The following MCM3AP variants were observed in gnomAD, a reference collection of about 807,000 sequenced individuals.
MCM3AP encodes the protein germinal-center associated nuclear protein.
Under a neutral mutation model 184.1 loss-of-function variants are expected in MCM3AP, and 126 were observed. The ratio of observed to expected loss-of-function variants is 0.68; its 90% confidence interval spans 0.59 to 0.79. The LOEUF (loss-of-function observed/expected upper bound fraction) is 0.79. Ranked by LOEUF, MCM3AP falls within the 30% of genes least tolerant of loss-of-function variation. The pLI, the probability that MCM3AP is intolerant of heterozygous loss-of-function variation, is 0.00. For synonymous variants in MCM3AP, 1,002 were observed against 979.3 expected (o/e 1.02, Z -0.43); for missense variants, 2,496 against 2,479.2 (o/e 1.01, Z -0.14).
intron 8 of MCM3AP, 143 bp from the exon 9 acceptor site, chr21:46,270,706 AG>A (rs2081168143): frequency 4.5e-6 from 3 of 670,420 alleles, no homozygotes; most frequent in Non-Finnish European, 7.5e-6. Flanking sequence ...GGGGAGGCCA[AG>A]GTGGGAGGAT....
At chr21:46,259,248 G>A (rs1296129769) in intron 15 of MCM3AP, 157 bp from the exon 16 acceptor site, 1 of 609,548 alleles carries the variant, frequency 1.6e-6, no homozygotes, top group Non-Finnish European at 2.8e-6. Context: ...GAGGTCAAGA[G>A]ATCCAGACCA....
chr21:46,277,970 G>A (rs189716628), intron 4 of MCM3AP, among the ~76,000 whole-genome samples: 41 of 152,168 alleles, frequency 2.7e-4, no homozygotes, highest in African/African-American at 9.4e-4. Context: ...GGGCAACATA[G>A]GGAGACCCCA....
At chr21:46,273,614 C>T (rs1208650387) in intron 6 of MCM3AP, 29 bp from the exon 7 acceptor site, 3 of 1,600,722 alleles carry the variant, frequency 1.9e-6, no homozygotes, top group African/African-American at 2.7e-5. Flanking sequence ...GACAGGATGC[C>T]CATGTGGCAT....
In MCM3AP at chr21:46,272,801, G is replaced by GGAC. The variant is rs2081198682; in HGVS notation, c.2224_2225insGTC (p.Asp741_Pro742insArg). Reference sequence around the variant, plus strand: ...CTTCTCAATCAGGGACACCGTCAGGGGGTCACAGAGGTGCTGCTGCGTGAT... The same window carrying GGAC: ...CTTCTCAATCAGGGACACCGTCAGGGGACGGTCACAGAGGTGCTGCTGCGTGAT... On this transcript the variant is annotated inframe_insertion, in exon 8 of 28. Transcript: ENST00000291688. The GGAC allele has an allele frequency of 6.2e-7, 1 of 1,604,488 alleles. No individual in the cohort carries two copies. The highest frequency in any genetic ancestry group is 1.3e-5 in the African/African-American group (1 of 74,706).
chr21:46,276,740 A>ATT lies in MCM3AP; in HGVS notation c.1858+785_1858+786dup, dbSNP rs34562786. On this transcript the variant is annotated intron_variant, in intron 5 of 27. Transcript: ENST00000291688. The stretch of plus-strand genomic sequence containing the variant: ...ACAGGCGTGAGCCACCACGCCCAGC[A>ATT]TTTTTTTTTTTTTTTGAGACAGAAT... 4.2e-3 allele frequency among the ~76,000 whole-genome samples: 547 copies of ATT among 131,368 alleles called. 6 individuals carry two copies. The highest frequency in any genetic ancestry group is 4.7e-3 in the East Asian group (20 of 4,218). The allele number at this position is 131,368 out of a possible 152,430, so 86.2% of individuals were successfully genotyped here.
intron 20 of MCM3AP, among the ~76,000 whole-genome samples, chr21:46,247,837 T>C (rs2080801374): frequency 6.6e-6 from 1 of 151,890 alleles, no homozygotes; most frequent in East Asian, 1.9e-4. Context: ...CAGTGGCTCA[T>C]GACTGTAATC....
rs1453798964 is a variant in MCM3AP, at chr21:46,284,652, G to A, written c.635C>T (p.Pro212Leu). The stretch of plus-strand genomic sequence containing the variant: ...AGATAATGAATTATTACTACTAACA[G>A]GTTTTGAAAAGGTAAAATTTGAAGT... ...ATTSNFTFSK[P>L]VSSNNSLSAF... Residue 212 changes from proline (P) to leucine (L), a missense_variant, in exon 1 of 28, where the codon CCT (proline) becomes CTT (leucine). By Grantham distance (98) the Pro-to-Leu change is moderately conservative (BLOSUM62 -3). Around this residue, in one of 5 missense-constraint regions of MCM3AP, gnomAD observed 800 missense variants for 717.1 expected, o/e 1.12. Coordinates refer to ENST00000291688, the MANE Select transcript of MCM3AP (RefSeq NM_003906.5). 1 of 1,614,004 alleles carries A rather than the reference G, an allele frequency of 6.2e-7. No individual in the cohort carries two copies. Among genetic ancestry groups the A allele is most frequent in the Admixed American group, 1.7e-5 (1 of 59,984 alleles).
At chr21:46,242,000 T>C (rs960597823) in intron 25 of MCM3AP, 2 of 152,194 alleles carry the variant, frequency 1.3e-5, no homozygotes, top group Non-Finnish European at 2.9e-5. Flanking sequence ...AGGTTTATTG[T>C]TGTGAATGAG....
intron 7 of MCM3AP, among the ~76,000 whole-genome samples, 166 bp from the exon 8 acceptor site, chr21:46,272,995 T>G (rs1214839360): frequency 1.3e-5 from 2 of 150,260 alleles, no homozygotes; most frequent in Non-Finnish European, 3.0e-5. Flanking sequence ...GTCCTGGGGT[T>G]TGTTTTTTTT....
chr21:46,266,451 G>A (rs2081113607), intron 10 of MCM3AP: 1 of 314,514 alleles, frequency 3.2e-6, no homozygotes, highest in Non-Finnish European at 5.8e-6. Flanking sequence ...GGAAGGAGGA[G>A]ACAGAACTAG....
At chr21:46,272,888 AG>A (rs1286283274) in intron 7 of MCM3AP, 59 bp from the exon 8 acceptor site, 12 of 1,474,204 alleles carry the variant, frequency 8.1e-6, no homozygotes, top group Admixed American at 4.5e-5. Flanking sequence ...GGCAACCGTG[AG>A]AAGGATCATG....
rs1183752054 is a variant in MCM3AP, at chr21:46,243,555, C to T, written c.5206G>A (p.Val1736Ile). 1.2e-6 allele frequency: 2 copies of T among 1,614,220 alleles called. No individual in the cohort carries two copies. The highest frequency in any genetic ancestry group is 2.2e-5 in the East Asian group (1 of 44,878). ...AGATCATCCCATGGGATCTCCATGA[C>T]CGAGGGGCCTGCCCCATGGACTGGG... The part of the protein sequence containing the change: ...PSPVHGAGPS[V>I]MEIPWDDLIA... The change falls in exon 24 of 28, where the codon GTC becomes ATC. Residue 1736 changes from valine to isoleucine, a missense_variant. Coordinates refer to ENST00000291688, the MANE Select transcript of MCM3AP (RefSeq NM_003906.5).
At chr21:46,244,514 G>GT (rs758296758) in intron 23 of MCM3AP, 15 of 445,318 alleles carry the variant, frequency 3.4e-5, no homozygotes, top group Non-Finnish European at 5.7e-5. Flanking sequence ...CAGGGTTGGT[G>GT]TTCCTCCCAG....
At chr21:46,274,692 T>G (rs756287479) in intron 6 of MCM3AP, among the ~76,000 whole-genome samples, 1 of 151,948 alleles carries the variant, frequency 6.6e-6, no homozygotes, top group Non-Finnish European at 1.5e-5. Flanking sequence ...TCCCAGCACT[T>G]TGGGAGGCGG....
intron 26 of MCM3AP, among the ~76,000 whole-genome samples, chr21:46,239,658 C>T (rs573992764): frequency 6.6e-6 from 1 of 152,298 alleles, no homozygotes; most frequent in East Asian, 1.9e-4. Context: ...GAAGCAGTAG[C>T]ATGTTCAAGT....
intron 5 of MCM3AP, among the ~76,000 whole-genome samples, chr21:46,276,790 T>C (rs2081262255): frequency 6.8e-6 from 1 of 148,002 alleles, no homozygotes; most frequent in South Asian, 2.1e-4. Flanking sequence ...CAGGCTGGAG[T>C]GCAGTGGCAC....
rs1194083128 is a variant in MCM3AP, at chr21:46,261,344, C to G, written c.3403G>C (p.Ala1135Pro). Residue 1135 changes from alanine (A) to proline (P), a missense_variant, in exon 14 of 28, where the codon GCT becomes CCT. Around this residue, in one of 5 missense-constraint regions of MCM3AP, gnomAD observed 1,323 missense variants for 1,273.4 expected, o/e 1.04. Coordinates refer to ENST00000291688, the MANE Select transcript of MCM3AP (RefSeq NM_003906.5). ...TCTCTTTCCTTAGACACTTCTTCAG[C>G]TGCAATGTGCCTCAAAATGCCCGTG... ...ATTGILRHIA[A>P]EEVSKERERR... 6.2e-7 allele frequency: 1 copy of G among 1,614,168 alleles called. No individual in the cohort carries two copies. Among genetic ancestry groups the G allele is most frequent in the Non-Finnish European group, 8.5e-7 (1 of 1,180,000 alleles).
intron 5 of MCM3AP, among the ~76,000 whole-genome samples, chr21:46,276,599 G>A (rs1382525145): frequency 1.3e-5 from 2 of 150,382 alleles, no homozygotes; most frequent in Admixed American, 1.3e-4. Flanking sequence ...GTGCCACCAC[G>A]CCCGGCTAAT....
chr21:46,261,855 T>G (rs1290951280), intron 13 of MCM3AP, among the ~76,000 whole-genome samples: 2 of 151,980 alleles, frequency 1.3e-5, no homozygotes, highest in Admixed American at 6.6e-5. Context: ...CTCCAAAATC[T>G]CAAACTTTTT....
Sources: gnomAD v4.1 joint callset for allele counts (sites outside exome capture counted in the v4.1 genomes callset) on GRCh38, gnomAD v4.1.1 for gene constraint, gnomAD v4.1.1 regional missense constraint, MANE v1.5 for transcripts, NCBI Gene and HGNC (gene_info 2026-07-23, HGNC 2026-07-21) for gene names.